The following RYR3 variants were observed in gnomAD, a reference collection of about 807,000 sequenced individuals.
RYR3 encodes brain ryanodine receptor-calcium release channel.
RYR3 carries 207 observed loss-of-function variants against 584.3 expected under a neutral mutation model. The observed-to-expected ratio is 0.35, with a 90% CI of 0.32 to 0.40. The LOEUF is 0.40. Ranked by LOEUF, RYR3 falls within the 10% of genes least tolerant of loss-of-function variation. The probability of loss-of-function intolerance (pLI) is 1.00; values close to 1 mark genes in which losing one functional copy is unlikely to be tolerated. For synonymous variants in RYR3, 2,416 were observed against 2,248.5 expected (o/e 1.07, Z -2.11); for missense variants, 5,616 against 6,089.2 (o/e 0.92, Z 2.59).
intron 1 of RYR3, among the ~76,000 whole-genome samples, chr15:33,409,583 A>G (rs1338172332): frequency 6.6e-6 from 1 of 152,124 alleles, no homozygotes; most frequent in Non-Finnish European, 1.5e-5. Context: ...ACTGTTCTCC[A>G]GTTTCTGGTG....
intron 94 of RYR3, chr15:33,852,122 C>G (rs1392541371): frequency 6.6e-6 from 1 of 150,680 alleles, no homozygotes; most frequent in East Asian, 2.0e-4. Context: ...TGGGTGGTCT[C>G]TGGAGAATAG....
chr15:33,777,572 A>G lies in RYR3; in HGVS notation c.9138-2639A>G, dbSNP rs879172087. Among the ~76,000 whole-genome samples, 4 of 152,080 alleles carry G rather than the reference A, an allele frequency of 2.6e-5. 1 individual carries two copies. Among genetic ancestry groups the G allele is most frequent in the Admixed American group, 2.6e-4 (4 of 15,268 alleles). ...GCTACTTAGCACCAATGTGCACCCC[A>G]GAGTAGAAAATGCCCTGTTGTGGAG... On this transcript the variant is annotated intron_variant, in intron 64 of 103. Coordinates refer to ENST00000634891, the MANE Select transcript of RYR3 (RefSeq NM_001036.6).
intron 62 of RYR3, among the ~76,000 whole-genome samples, chr15:33,770,700 A>C (rs1596512846): frequency 6.6e-6 from 1 of 151,972 alleles, no homozygotes; most frequent in Admixed American, 6.6e-5. Context: ...AGGTCACTGC[A>C]CTCCAGCCTA....
chr15:33,810,004 T>C (rs1054063246), intron 70 of RYR3, among the ~76,000 whole-genome samples: 6 of 152,326 alleles, frequency 3.9e-5, no homozygotes, highest in Non-Finnish European at 8.8e-5. Flanking sequence ...GAATTTGCAT[T>C]GGCTCATGGT....
chr15:33,794,780 T>A (rs1391625578), intron 67 of RYR3, among the ~76,000 whole-genome samples: 1 of 152,184 alleles, frequency 6.6e-6, no homozygotes, highest in African/African-American at 2.4e-5. Flanking sequence ...CTTCAGGTCC[T>A]CTCTTCATCC....
intron 1 of RYR3, among the ~76,000 whole-genome samples, chr15:33,339,744 T>C (rs1017704418): frequency 3.1e-4 from 47 of 152,004 alleles, no homozygotes; most frequent in African/African-American, 8.2e-4. Context: ...AAAAAATTAG[T>C]CGGGTGTAGT....
chr15:33,789,698 G>A (rs1413131700), intron 67 of RYR3, among the ~76,000 whole-genome samples: 7 of 58,322 alleles, frequency 1.2e-4, no homozygotes, highest in Non-Finnish European at 1.5e-4. Context: ...TTTTTGAGAC[G>A]GAGTCTCACT....
chr15:33,836,793 C>T (rs558057231), intron 87 of RYR3, 113 bp from the exon 88 acceptor site: 8 of 712,136 alleles, frequency 1.1e-5, no homozygotes, highest in Admixed American at 2.5e-5. Context: ...AGCTCTTTCC[C>T]GACACTGATG....
intron 1 of RYR3, among the ~76,000 whole-genome samples, chr15:33,382,984 C>T (rs1216340457): frequency 6.6e-6 from 1 of 151,830 alleles, no homozygotes; most frequent in Non-Finnish European, 1.5e-5. Context: ...ATTCTTCATA[C>T]CTAGAATGAC....
intron 39 of RYR3, among the ~76,000 whole-genome samples, chr15:33,697,377 G>A: frequency 6.6e-6 from 1 of 152,202 alleles, no homozygotes; most frequent in Non-Finnish European, 1.5e-5. Flanking sequence ...ATTGGAGGTG[G>A]TGTTTCCTGC....
intron 95 of RYR3, among the ~76,000 whole-genome samples, chr15:33,853,345 ATATCAG>A (rs1239232213): frequency 6.6e-6 from 1 of 152,198 alleles, no homozygotes; most frequent in Non-Finnish European, 1.5e-5. Context: ...GCAAATCAAG[ATATCAG>A]TATCAGCTTA....
intron 73 of RYR3, 149 bp downstream of exon 73, chr15:33,813,143 A>G (rs1218981703): frequency 2.1e-6 from 2 of 969,376 alleles, no homozygotes; most frequent in Non-Finnish European, 3.0e-6. Context: ...CCCACGTGCC[A>G]TCTCGATGCC....
At chr15:33,595,709 G>A (rs2059337711) in intron 16 of RYR3, among the ~76,000 whole-genome samples, 1 of 152,084 alleles carries the variant, frequency 6.6e-6, no homozygotes, top group African/African-American at 2.4e-5. Context: ...GATTTAGCAG[G>A]ACTTGGTGTC....
intron 43 of RYR3, among the ~76,000 whole-genome samples, chr15:33,709,545 C>T (rs1322674605): frequency 6.6e-6 from 1 of 152,138 alleles, no homozygotes; most frequent in Non-Finnish European, 1.5e-5. Context: ...GTCATGAGGA[C>T]CCAACACCTC....
chr15:33,343,766 C>T lies in RYR3; in HGVS notation c.51+32670C>T, dbSNP rs146386428. ...TTTCCGATGAGTCAAGATCAAAGTGCGAGGTGTCCCATCCCAGGAACGGAA... is the reference window on the plus strand; with the variant it reads ...TTTCCGATGAGTCAAGATCAAAGTGTGAGGTGTCCCATCCCAGGAACGGAA... On this transcript the variant is annotated intron_variant, in intron 1 of 103. Coordinates refer to ENST00000634891, the MANE Select transcript of RYR3 (RefSeq NM_001036.6). Among the ~76,000 whole-genome samples the T allele has an allele frequency of 3.3e-5, 5 of 152,232 alleles. No individual in the cohort carries two copies. The East Asian group carries it at 7.7e-4, about 24-fold the overall frequency.
chr15:33,711,158 T>G (rs1306830505), intron 43 of RYR3, among the ~76,000 whole-genome samples: 6 of 152,142 alleles, frequency 3.9e-5, no homozygotes, highest in Non-Finnish European at 8.8e-5. Flanking sequence ...TTAAATAAAT[T>G]TCCAACTTTA....
At chr15:33,656,067 C>T (rs1026706750) in intron 32 of RYR3, among the ~76,000 whole-genome samples, 1 of 152,204 alleles carries the variant, frequency 6.6e-6, no homozygotes, top group Non-Finnish European at 1.5e-5. Flanking sequence ...AAGAGATACT[C>T]CTCAGTGATT....
chr15:33,336,968 G>T lies in RYR3; in HGVS notation c.51+25872G>T, dbSNP rs557077415. The stretch of plus-strand genomic sequence containing the variant: ...AGCTACTGGGGAGGCTGAGGGAGGA[G>T]AATGGCGTGAACCTGGGAGGTGGAG... On this transcript the variant is annotated intron_variant, in intron 1 of 103. Coordinates refer to ENST00000634891, the MANE Select transcript of RYR3 (RefSeq NM_001036.6). 3.9e-4 allele frequency among the ~76,000 whole-genome samples: 57 copies of T among 144,932 alleles called. No homozygotes were observed. In the South Asian group the frequency reaches 0.012, roughly 31 times the overall value.
At position 33,416,296 on chromosome 15, in the gene RYR3, G is replaced by C. The variant is rs150622378; in HGVS notation, c.52-57123G>C. 1.4e-3 allele frequency among the ~76,000 whole-genome samples: 214 copies of C among 152,230 alleles called. 1 individual carries two copies. Among genetic ancestry groups the C allele is most frequent in the Middle Eastern group, 0.014 (4 of 294 alleles). ...AATCTCCAAGCTGCTTTCCACAGGGGCTGAGCTAATTTGCATTGCTACCAA... is the reference window on the plus strand; with the variant it reads ...AATCTCCAAGCTGCTTTCCACAGGGCCTGAGCTAATTTGCATTGCTACCAA... On this transcript the variant is annotated intron_variant, in intron 1 of 103. Transcript: ENST00000634891.
Sources: allele counts gnomAD v4.1 joint callset (sites outside exome capture counted in the v4.1 genomes callset), GRCh38; gene constraint gnomAD v4.1.1; transcripts MANE v1.5; gene names NCBI Gene and HGNC (gene_info 2026-07-23, HGNC 2026-07-21).